LRP1B: variants seen among roughly 807,000 people sequenced by gnomAD.
The protein encoded by LRP1B is low-density lipoprotein receptor-related protein 1B.
LRP1B carries 217 observed loss-of-function variants against 556.6 expected under a neutral mutation model. The ratio of observed to expected loss-of-function variants is 0.39; its 90% confidence interval spans 0.35 to 0.44. The LOEUF is 0.44. Ranked by LOEUF, LRP1B falls within the 20% of genes least tolerant of loss-of-function variation. The probability of loss-of-function intolerance (pLI) is 1.00; values close to 1 mark genes in which losing one functional copy is unlikely to be tolerated. For synonymous variants in LRP1B, 2,047 were observed against 1,865.8 expected, an observed-to-expected ratio of 1.10 and a Z score of -2.50; for missense variants, 5,053 against 5,620.8, an observed-to-expected ratio of 0.90 and a Z score of 3.23.
chr2:141,689,136 T>C (rs942647053), intron 2 of LRP1B, among the ~76,000 whole-genome samples: 1 of 151,918 alleles, frequency 6.6e-6, no homozygotes, highest in Non-Finnish European at 1.5e-5. Context: ...ATTTTTACCA[T>C]CGTTTTCCCT....
Position 140,692,550 on chromosome 2 carries a change from TCTCA to T in LRP1B, c.6799+7696_6799+7699del, listed in dbSNP as rs142071394. On this transcript the variant is annotated intron_variant, in intron 41 of 90. Transcript: ENST00000389484. ...TTTTCACAAATTATGGGTGGAAAAA[TCTCA>T]CTGTTTCATTATAAATTTTCTTAAT... Among the ~76,000 whole-genome samples, 938 of 152,244 alleles carry T rather than the reference TCTCA, an allele frequency of 6.2e-3. 6 individuals carry two copies. Among genetic ancestry groups the T allele is most frequent in the African/African-American group, 0.022 (898 of 41,558 alleles).
rs151250365 is a variant in LRP1B, at chr2:140,276,847, C to T, written c.12968-2249G>A. On this transcript the variant is annotated intron_variant, in intron 84 of 90. Transcript: ENST00000389484. ...TATTTGCAGATGAAAATTCCAGTGC[C>T]GTTCCCTGCCACCCACTCCTAGATT... Among the ~76,000 whole-genome samples, 737 of 151,806 alleles carry T rather than the reference C, an allele frequency of 4.9e-3. 4 individuals carry two copies. Among genetic ancestry groups the T allele is most frequent in the Middle Eastern group, 0.017 (5 of 294 alleles).
chr2:140,478,580 T>C (rs568416193), intron 59 of LRP1B, among the ~76,000 whole-genome samples: 1 of 152,252 alleles, frequency 6.6e-6, no homozygotes, highest in South Asian at 2.1e-4. Context: ...GAACAAGGAC[T>C]CAGGTTTCTA....
rs556354367 is a variant in LRP1B at position 141,021,267 on chromosome 2, CA to C, written c.1790-1166del. ...TTGTTTAATCATGGTCTTTCTGGCT[CA>C]GGAAAAACAGTAAAATTTTCCCTTG... On this transcript the variant is annotated intron_variant, in intron 11 of 90. Transcript: ENST00000389484. Among the ~76,000 whole-genome samples the C allele has an allele frequency of 3.0e-3, 459 of 152,088 alleles. 3 individuals are homozygous for C. The highest frequency in any genetic ancestry group is 0.011 in the African/African-American group (446 of 41,544).
rs148605779 is a variant in LRP1B, at chr2:140,308,831, TACTC to T, written c.12805+6100_12805+6103del. ...TACTATCAAAATATGACATAATACT[TACTC>T]AAAACATTTCTACTATTTGGACAGT... is the stretch of plus-strand genomic sequence containing the variant. On this transcript the variant is annotated intron_variant, in intron 83 of 90. Coordinates refer to ENST00000389484, the MANE Select transcript of LRP1B (RefSeq NM_018557.3). Among the ~76,000 whole-genome samples the T allele has an allele frequency of 2.8e-3, 419 of 151,842 alleles. 2 individuals are homozygous for T. The highest frequency in any genetic ancestry group is 9.7e-3 in the African/African-American group (401 of 41,462).
intron 2 of LRP1B, among the ~76,000 whole-genome samples, chr2:141,532,620 G>A (rs1306015141): frequency 2.0e-5 from 3 of 151,968 alleles, no homozygotes; most frequent in Non-Finnish European, 4.4e-5. Context: ...AAAAATGAGT[G>A]TGCTGCTTTA....
At chr2:140,831,184 C>T (rs1209076368) in intron 31 of LRP1B, among the ~76,000 whole-genome samples, 2 of 151,768 alleles carry the variant, frequency 1.3e-5, no homozygotes, top group Non-Finnish European at 3.0e-5. Context: ...AATGATGTTA[C>T]AGAGCCACAA....
At chr2:141,530,584 A>C (rs1459801662) in intron 2 of LRP1B, among the ~76,000 whole-genome samples, 1 of 152,132 alleles carries the variant, frequency 6.6e-6, no homozygotes, top group Non-Finnish European at 1.5e-5. Context: ...ATAAACAAGC[A>C]GAACAGCCAA....
At chr2:140,527,336 G>A (rs969426972) in intron 47 of LRP1B, among the ~76,000 whole-genome samples, 1 of 151,696 alleles carries the variant, frequency 6.6e-6, no homozygotes, top group African/African-American at 2.4e-5. Context: ...AACCAGAAGG[G>A]CCCTTTGATT....
intron 1 of LRP1B, among the ~76,000 whole-genome samples, chr2:142,126,771 A>G (rs950964785): frequency 6.6e-6 from 1 of 151,830 alleles, no homozygotes; most frequent in African/African-American, 2.4e-5. Flanking sequence ...CAGAAACATA[A>G]AAAACTGGAT....
chr2:140,312,327 T>C (rs1173128568), intron 83 of LRP1B, among the ~76,000 whole-genome samples: 4 of 151,950 alleles, frequency 2.6e-5, no homozygotes. Flanking sequence ...GAATGTTGTC[T>C]CAAAAGTACA....
intron 3 of LRP1B, among the ~76,000 whole-genome samples, chr2:141,313,920 T>C (rs1303136868): frequency 1.3e-5 from 2 of 152,174 alleles, no homozygotes; most frequent in East Asian, 3.9e-4. Context: ...TTTTCCTCTT[T>C]ATTGTCTCTC....
At chr2:141,371,903 T>C (rs999634893) in intron 3 of LRP1B, among the ~76,000 whole-genome samples, 1 of 152,126 alleles carries the variant, frequency 6.6e-6, no homozygotes, top group Non-Finnish European at 1.5e-5. Context: ...TCCAGTACTA[T>C]CTTGCACAAG....
chr2:141,797,389 T>A (rs907478893), intron 2 of LRP1B, among the ~76,000 whole-genome samples: 8 of 151,696 alleles, frequency 5.3e-5, no homozygotes, highest in Non-Finnish European at 7.4e-5. Flanking sequence ...TATTTGTTCC[T>A]TGAAACAGAA....
At chr2:140,295,314 G>A (rs1362740711) in intron 84 of LRP1B, among the ~76,000 whole-genome samples, 1 of 152,144 alleles carries the variant, frequency 6.6e-6, no homozygotes, top group Non-Finnish European at 1.5e-5. Context: ...TAGGGTAGGG[G>A]CATCTACATA....
intron 7 of LRP1B, among the ~76,000 whole-genome samples, chr2:141,173,781 T>C (rs1465465564): frequency 1.3e-5 from 2 of 152,074 alleles, no homozygotes; most frequent in Admixed American, 1.3e-4. Flanking sequence ...ATGATGTCAC[T>C]GAAGCACCAA....
At chr2:141,416,827 T>C (rs1401692819) in intron 3 of LRP1B, among the ~76,000 whole-genome samples, 2 of 152,184 alleles carry the variant, frequency 1.3e-5, no homozygotes, top group Non-Finnish European at 2.9e-5. Flanking sequence ...GCCTTCTGCA[T>C]GCAGCCTTGA....
intron 32 of LRP1B, among the ~76,000 whole-genome samples, chr2:140,779,815 A>C (rs1159221877): frequency 2.0e-5 from 3 of 150,762 alleles, no homozygotes; most frequent in Non-Finnish European, 4.4e-5. Context: ...ATATATCATA[A>C]ATTTACCTCC....
intron 41 of LRP1B, among the ~76,000 whole-genome samples, chr2:140,621,614 T>C (rs1036473840): frequency 1.5e-4 from 23 of 152,234 alleles, no homozygotes; most frequent in African/African-American, 5.1e-4. Context: ...GGAGCATTAA[T>C]ACAATATGAT....
Sources: gnomAD v4.1 joint callset for allele counts (sites outside exome capture counted in the v4.1 genomes callset) on GRCh38, gnomAD v4.1.1 for gene constraint, MANE v1.5 for transcripts, NCBI Gene and HGNC (gene_info 2026-07-23, HGNC 2026-07-21) for gene names.